Variants in BUB1B observed in about 807,000 individuals in gnomAD.
BUB1B encodes mitotic checkpoint serine/threonine-protein kinase BUB1 beta.
A neutral mutation model predicts 137.7 loss-of-function variants in BUB1B; 86 were observed. The observed-to-expected ratio is 0.62, with a 90% CI of 0.52 to 0.75. The LOEUF (loss-of-function observed/expected upper bound fraction) is 0.75, where lower values mean the gene tolerates loss of function less well. Ranked by LOEUF, BUB1B falls within the 30% of genes least tolerant of loss-of-function variation. The pLI is 0.00. For synonymous variants in BUB1B, 420 were observed against 417.9 expected (o/e 1.00, Z -0.06); for missense variants, 1,130 against 1,236.9 (o/e 0.91, Z 1.30).
chr15:40,185,403 T>G (rs764832602), intron 7 of BUB1B, 24 bp downstream of exon 7: 8 of 1,611,914 alleles, frequency 5.0e-6, no homozygotes, highest in Non-Finnish European at 6.8e-6. Context: ...GATCCAGTGC[T>G]TTGCTGACAC....
intron 14 of BUB1B, among the ~76,000 whole-genome samples, chr15:40,203,147 C>G (rs2037595763): frequency 6.6e-6 from 1 of 152,084 alleles, no homozygotes; most frequent in Non-Finnish European, 1.5e-5. Context: ...TGGAAACAAC[C>G]CCAAATGTCC....
intron 8 of BUB1B, among the ~76,000 whole-genome samples, chr15:40,190,425 A>C (rs958818867): frequency 6.6e-6 from 1 of 152,056 alleles, no homozygotes; most frequent in Non-Finnish European, 1.5e-5. Context: ...CAGCCTGAGC[A>C]ATATAGTGAG....
At position 40,220,655 on chromosome 15, in the gene BUB1B, G is replaced by A. The variant is rs748723428; in HGVS notation, c.3049G>A (p.Ala1017Thr). ...ATVSVLGELAAEMNGVFDTTF... is the reference protein window; with the variant it reads ...ATVSVLGELATEMNGVFDTTF... ...AGTGTCTGTTCTTGGGGAGCTTGCA[G>A]CAGAAATGAATGGGGTTTTTGACAC... The change falls in exon 23 of 23, where the codon GCA (alanine) becomes ACA (threonine). Residue 1017 changes from alanine (A) to threonine (T), a missense_variant. Transcript: ENST00000287598. The A allele has an allele frequency of 1.2e-6, 2 of 1,614,220 alleles. No individual in the cohort carries two copies. The highest frequency in any genetic ancestry group is 4.5e-5 in the East Asian group (2 of 44,888).
chr15:40,209,808 A>G (rs988954966), intron 17 of BUB1B, 33 bp downstream of exon 17: 46 of 1,610,780 alleles, frequency 2.9e-5, no homozygotes, highest in Non-Finnish European at 3.7e-5. Context: ...CCTCTGGTTC[A>G]TGACAGTATA....
intron 1 of BUB1B, among the ~76,000 whole-genome samples, chr15:40,163,027 G>C (rs112778769): frequency 6.6e-6 from 1 of 152,066 alleles, no homozygotes; most frequent in Non-Finnish European, 1.5e-5. Context: ...CATGTTTTCC[G>C]CATGTCTGCA....
At chr15:40,215,540 C>T (rs954423468) in intron 20 of BUB1B, among the ~76,000 whole-genome samples, 6 of 152,082 alleles carry the variant, frequency 3.9e-5, no homozygotes, top group Admixed American at 2.0e-4. Context: ...GAGGCCGAGG[C>T]GGGCGGATCA....
At position 40,183,809 on chromosome 15, in the gene BUB1B, C is replaced by T; in HGVS notation, c.677C>T (p.Thr226Ile). The change falls in exon 6 of 23, where the codon ACA (threonine) becomes ATA (isoleucine). Residue 226 changes from threonine to isoleucine, a missense_variant. Coordinates refer to ENST00000287598, the MANE Select transcript of BUB1B (RefSeq NM_001211.6). ...VFESSVPQRS[T>I]LAELKSKGKK... ...GAGTCTTCTGTACCACAACGAAGCA[C>T]ACTAGCTGAACTAAAGAGCAAAGGG... 6.2e-7 allele frequency: 1 copy of T among 1,614,076 alleles called. No homozygotes were observed. The highest frequency in any genetic ancestry group is 8.5e-7 in the Non-Finnish European group (1 of 1,179,988).
intron 15 of BUB1B, among the ~76,000 whole-genome samples, chr15:40,207,055 C>T (rs1049780084): frequency 2.0e-5 from 3 of 152,202 alleles, no homozygotes; most frequent in Non-Finnish European, 4.4e-5. Context: ...GGTGATCCAC[C>T]CGCCTCGGCC....
intron 5 of BUB1B, among the ~76,000 whole-genome samples, chr15:40,177,910 T>A (rs1425085894): frequency 2.6e-5 from 4 of 152,014 alleles, no homozygotes; most frequent in Non-Finnish European, 2.9e-5. Context: ...ATTATGCTTT[T>A]AATGTCTGTA....
intron 14 of BUB1B, among the ~76,000 whole-genome samples, chr15:40,203,934 G>A (rs1595530284): frequency 6.6e-6 from 1 of 152,328 alleles, no homozygotes; most frequent in East Asian, 1.9e-4. Flanking sequence ...AGTAGCTTTA[G>A]TAACTTAAAG....
chr15:40,183,884 G>A lies in BUB1B; in HGVS notation c.751+1G>A. On this transcript the variant is annotated splice_donor_variant, in intron 6 of 22. Transcript: ENST00000287598. LOFTEE classifies it high-confidence loss of function. ...ATCCGTGTAGGAGGTGCTCTCAAGG[G>A]TAAGTTTGTTAAACGTTATTTCGGA... 1 of 1,613,880 alleles carries A rather than the reference G, an allele frequency of 6.2e-7. No homozygotes were observed. Among genetic ancestry groups the A allele is most frequent in the African/African-American group, 1.3e-5 (1 of 74,992 alleles).
chr15:40,197,684 A>G (rs548200848), intron 9 of BUB1B, among the ~76,000 whole-genome samples: 1 of 152,312 alleles, frequency 6.6e-6, no homozygotes, highest in Admixed American at 6.5e-5. Context: ...ATCTTTTCTG[A>G]GTTCCAGGTG....
chr15:40,185,226 A>G lies in BUB1B; in HGVS notation c.813A>G (p.Arg271=). The G allele has an allele frequency of 6.2e-7, 1 of 1,614,120 alleles. No individual in the cohort carries two copies. The highest frequency in any genetic ancestry group is 1.1e-5 in the South Asian group (1 of 91,084). ...PFPQQMQNNS[R]ITVFDENADE... is the part of the protein sequence containing the mutation. ...CTCAACAGATGCAAAATAATAGTAG[A>G]ATTACTGTTTTTGATGAAAATGCTG... The change falls in exon 7 of 23, where the codon AGA becomes AGG. Residue 271 remains arginine, a synonymous_variant. Transcript: ENST00000287598.
intron 4 of BUB1B, among the ~76,000 whole-genome samples, chr15:40,171,326 T>C (rs1317056835): frequency 2.0e-5 from 3 of 152,104 alleles, no homozygotes; most frequent in Non-Finnish European, 4.4e-5. Context: ...GGTGGGCTGA[T>C]CGCTTCAGCC....
intron 22 of BUB1B, among the ~76,000 whole-genome samples, chr15:40,220,270 T>C (rs2037879120): frequency 6.6e-6 from 1 of 152,210 alleles, no homozygotes; most frequent in Admixed American, 6.5e-5. Context: ...TCCTTTTTCT[T>C]CTATTTGTAG....
intron 8 of BUB1B, chr15:40,186,959 T>G (rs1402623802): frequency 6.6e-6 from 1 of 151,532 alleles, no homozygotes; most frequent in Non-Finnish European, 1.5e-5. Flanking sequence ...CAGGCTGAAG[T>G]GCAGTGGCAC....
chr15:40,192,947 C>T (rs2037454190), intron 8 of BUB1B, among the ~76,000 whole-genome samples: 1 of 152,134 alleles, frequency 6.6e-6, no homozygotes, highest in Admixed American at 6.5e-5. Context: ...GACTCCTGGA[C>T]TCAAGTGATC....
At chr15:40,217,816 A>G in intron 21 of BUB1B, 149 bp downstream of exon 21, 3 of 989,402 alleles carry the variant, frequency 3.0e-6, no homozygotes, top group Non-Finnish European at 4.7e-6. Context: ...GTAAAATGTA[A>G]CATTTTTGTG....
At chr15:40,167,176 TG>T (rs1257731050) in intron 2 of BUB1B, among the ~76,000 whole-genome samples, 2 of 150,158 alleles carry the variant, frequency 1.3e-5, no homozygotes, top group Non-Finnish European at 3.0e-5. Context: ...ATTTTCTGGG[TG>T]TTTTTTTTTT....
Sources: allele counts gnomAD v4.1 joint callset (sites outside exome capture counted in the v4.1 genomes callset), GRCh38; gene constraint gnomAD v4.1.1; transcripts MANE v1.5; gene names NCBI Gene and HGNC (gene_info 2026-07-23, HGNC 2026-07-21).